RALGAPA2: variants seen among roughly 807,000 people sequenced by gnomAD.
RALGAPA2 encodes Ral GTPase activating protein catalytic subunit alpha 2.
Under a neutral mutation model 230.4 loss-of-function variants are expected in RALGAPA2, and 139 were observed. The ratio of observed to expected loss-of-function variants is 0.60; its 90% CI spans 0.53 to 0.69. The LOEUF (loss-of-function observed/expected upper bound fraction) is 0.69, where lower values mean the gene tolerates loss of function less well. Among genes scored for constraint, RALGAPA2 ranks in the 30% least tolerant of loss-of-function variants. The pLI is 0.00. For missense variants in RALGAPA2, 2,163 were observed against 2,276.0 expected (o/e 0.95, Z 1.01); for synonymous variants, 847 against 837.8 (o/e 1.01, Z -0.19).
chr20:20,405,563 G>A (rs1054180227), intron 38 of RALGAPA2, among the ~76,000 whole-genome samples: 2 of 152,158 alleles, frequency 1.3e-5, no homozygotes, highest in African/African-American at 2.4e-5. Flanking sequence ...CTGACACTGA[G>A]GAGAGTAAAA....
chr20:20,642,747 C>T (rs1387280386), intron 5 of RALGAPA2, among the ~76,000 whole-genome samples: 2 of 151,806 alleles, frequency 1.3e-5, no homozygotes, highest in African/African-American at 4.8e-5. Context: ...TAACTCACTT[C>T]GTTTTTTTTC....
chr20:20,641,764 C>T (rs181098845), intron 5 of RALGAPA2, among the ~76,000 whole-genome samples: 2 of 152,112 alleles, frequency 1.3e-5, no homozygotes, highest in Admixed American at 1.3e-4. Flanking sequence ...GCCTCATCTC[C>T]TTTCAATTAA....
At position 20,444,910 on chromosome 20, in the gene RALGAPA2, A is replaced by T. The variant is rs577696370; in HGVS notation, c.5495+27919T>A. ...GTCTGTCCTTTTGTCCAGCGGGTCC[A>T]CGCCGCATGCGCTGCCTATTAGTCA... On this transcript the variant is annotated intron_variant, in intron 37 of 39. Coordinates refer to ENST00000202677, the MANE Select transcript of RALGAPA2 (RefSeq NM_020343.4). Among the ~76,000 whole-genome samples the T allele has an allele frequency of 4.4e-3, 671 of 152,330 alleles. 5 individuals carry two copies. Among genetic ancestry groups the T allele is most frequent in the Non-Finnish European group, 6.6e-3 (451 of 68,030 alleles).
chr20:20,656,550 C>A (rs905990473), intron 3 of RALGAPA2, among the ~76,000 whole-genome samples: 9 of 152,124 alleles, frequency 5.9e-5, no homozygotes, highest in African/African-American at 2.2e-4. Flanking sequence ...AATAAGTCTT[C>A]CCCTTGCAAT....
intron 13 of RALGAPA2, among the ~76,000 whole-genome samples, chr20:20,612,614 A>T (rs1187568195): frequency 6.6e-6 from 1 of 152,110 alleles, no homozygotes; most frequent in Non-Finnish European, 1.5e-5. Context: ...GTTGTTATAC[A>T]TTCTCACTGC....
chr20:20,654,774 G>C (rs527666812), intron 3 of RALGAPA2, among the ~76,000 whole-genome samples: 1 of 152,252 alleles, frequency 6.6e-6, no homozygotes, highest in African/African-American at 2.4e-5. Context: ...TGGGATTGCT[G>C]GGGCATATGG....
At position 20,647,499 on chromosome 20, in the gene RALGAPA2, A is replaced by C. The variant is rs956785643; in HGVS notation, c.329-3950T>G. 3.3e-5 allele frequency among the ~76,000 whole-genome samples: 5 copies of C among 152,258 alleles called. 1 individual carries two copies. The highest frequency in any genetic ancestry group is 3.3e-4 in the Admixed American group (5 of 15,284). ...TTAGCTCAAAATGGATCAAAGACCT[A>C]AACTATAGAACTGCTATATGAAAAC... On this transcript the variant is annotated intron_variant, in intron 4 of 39. Coordinates refer to ENST00000202677, the MANE Select transcript of RALGAPA2 (RefSeq NM_020343.4).
At chr20:20,558,557 G>A (rs191136162) in intron 23 of RALGAPA2, among the ~76,000 whole-genome samples, 1 of 152,202 alleles carries the variant, frequency 6.6e-6, no homozygotes, top group African/African-American at 2.4e-5. Flanking sequence ...AATAAAGACA[G>A]GTCTTCCACC....
chr20:20,683,160 C>G lies in RALGAPA2; in HGVS notation c.107-2359G>C, dbSNP rs11905190. On this transcript the variant is annotated intron_variant, in intron 1 of 39. Coordinates refer to ENST00000202677, the MANE Select transcript of RALGAPA2 (RefSeq NM_020343.4). ...CCCAGTATGCCATTCTGTTAGCCTG[C>G]CTTTAACACGTACGTGTTCCAGCCC... Among the ~76,000 whole-genome samples the G allele has an allele frequency of 6.5e-3, 986 of 152,318 alleles. 8 individuals carry two copies. Among genetic ancestry groups the G allele is most frequent in the African/African-American group, 0.023 (953 of 41,562 alleles).
At chr20:20,570,984 T>C (rs576783915) in intron 23 of RALGAPA2, among the ~76,000 whole-genome samples, 13 of 152,212 alleles carry the variant, frequency 8.5e-5, no homozygotes, top group Non-Finnish European at 1.5e-4. Context: ...TTAAATTGCA[T>C]TGGGAGAAAT....
In RALGAPA2 at chr20:20,636,554, G is replaced by A. The variant is rs1026930090; in HGVS notation, c.805+809C>T. ...CTTCTCTCCCCGTGTGTGTGTGTGT[G>A]TGTATGTGTGTGTGTGTGTGTGTGT... is the stretch of plus-strand genomic sequence containing the variant. On this transcript the variant is annotated intron_variant, in intron 8 of 39. Coordinates refer to ENST00000202677, the MANE Select transcript of RALGAPA2 (RefSeq NM_020343.4). 8.1e-5 allele frequency among the ~76,000 whole-genome samples: 12 copies of A among 148,168 alleles called. No homozygotes were observed. The East Asian group carries it at 2.0e-3, about 24-fold the overall frequency.
chr20:20,573,130 C>T, intron 20 of RALGAPA2, 62 bp from the exon 21 acceptor site: 1 of 1,324,714 alleles, frequency 7.5e-7, no homozygotes, highest in Non-Finnish European at 9.9e-7. Context: ...TACCTTTTTT[C>T]TTTAAGGCAA....
At chr20:20,522,845 G>T (rs538942937) in intron 30 of RALGAPA2, among the ~76,000 whole-genome samples, 1 of 152,308 alleles carries the variant, frequency 6.6e-6, no homozygotes, top group South Asian at 2.1e-4. Context: ...AAAGAACTCA[G>T]AAAAGAGATT....
intron 37 of RALGAPA2, among the ~76,000 whole-genome samples, chr20:20,430,009 A>G (rs1255150581): frequency 2.0e-5 from 3 of 152,260 alleles, no homozygotes; most frequent in Admixed American, 1.3e-4. Flanking sequence ...TTGAAGTCAA[A>G]GCCCTGAGTT....
chr20:20,586,361 C>T (rs773326089), intron 18 of RALGAPA2, among the ~76,000 whole-genome samples: 2 of 152,142 alleles, frequency 1.3e-5, no homozygotes, highest in Non-Finnish European at 2.9e-5. Context: ...CCATGTGGTG[C>T]AAGAAACAAA....
At chr20:20,620,214 T>A (rs1426039805) in intron 11 of RALGAPA2, among the ~76,000 whole-genome samples, 3 of 152,218 alleles carry the variant, frequency 2.0e-5, no homozygotes, top group African/African-American at 7.2e-5. Context: ...CCTGCAACAG[T>A]GACCAACAAA....
At chr20:20,597,967 AAAAT>A (rs1483474874) in intron 16 of RALGAPA2, among the ~76,000 whole-genome samples, 1 of 152,190 alleles carries the variant, frequency 6.6e-6, no homozygotes, top group Non-Finnish European at 1.5e-5. Flanking sequence ...GAATCACTGA[AAAAT>A]AAATAGACAT....
chr20:20,483,394 T>C (rs993365009), intron 36 of RALGAPA2, among the ~76,000 whole-genome samples: 1 of 152,166 alleles, frequency 6.6e-6, no homozygotes, highest in African/African-American at 2.4e-5. Context: ...TCTACACACA[T>C]GAGAGAATGG....
chr20:20,431,565 C>A (rs1329068766), intron 37 of RALGAPA2, among the ~76,000 whole-genome samples: 1 of 152,120 alleles, frequency 6.6e-6, no homozygotes, highest in African/African-American at 2.4e-5. Flanking sequence ...ACACAATTTG[C>A]AAACTGGCAA....
Sources: gnomAD v4.1 joint callset for allele counts (sites outside exome capture counted in the v4.1 genomes callset) on GRCh38, gnomAD v4.1.1 for gene constraint, MANE v1.5 for transcripts, NCBI Gene and HGNC (gene_info 2026-07-23, HGNC 2026-07-21) for gene names.